SLC35F1: variants seen among roughly 807,000 people sequenced by gnomAD.
The protein encoded by SLC35F1 is solute carrier family 35 member F1, also known as chromosome 6 open reading frame 169.
SLC35F1 carries 14 observed loss-of-function variants against 48.7 expected under a neutral mutation model. The ratio of observed to expected loss-of-function variants is 0.29; its 90% CI spans 0.19 to 0.45. The LOEUF (loss-of-function observed/expected upper bound fraction) is 0.45. SLC35F1 is among the 20% of genes least tolerant of loss of function. The pLI is 1.00. For missense variants in SLC35F1, 404 were observed against 500.0 expected (o/e 0.81, Z 1.83); for synonymous variants, 190 against 202.2 (o/e 0.94, Z 0.51).
chr6:118,071,356 T>C (rs1562281194), intron 1 of SLC35F1, among the ~76,000 whole-genome samples: 1 of 151,904 alleles, frequency 6.6e-6, no homozygotes, highest in Non-Finnish European at 1.5e-5. Flanking sequence ...CTTTGTTTCT[T>C]GCCCTGTTTT....
At chr6:118,052,846 A>T (rs1772410032) in intron 1 of SLC35F1, among the ~76,000 whole-genome samples, 1 of 152,174 alleles carries the variant, frequency 6.6e-6, no homozygotes, top group Non-Finnish European at 1.5e-5. Flanking sequence ...AGAAAAATGT[A>T]GTTTCTTTCC....
intron 3 of SLC35F1, among the ~76,000 whole-genome samples, chr6:118,242,530 A>T (rs550548788): frequency 6.6e-6 from 1 of 152,196 alleles, no homozygotes; most frequent in Non-Finnish European, 1.5e-5. Context: ...TAAGGATTTT[A>T]TTCTAAAGAT....
At chr6:118,255,713 A>T in intron 3 of SLC35F1, among the ~76,000 whole-genome samples, 1 of 152,362 alleles carries the variant, frequency 6.6e-6, no homozygotes, top group East Asian at 1.9e-4. Context: ...TTAAATTCCT[A>T]TTGGTAGGAA....
intron 2 of SLC35F1, among the ~76,000 whole-genome samples, chr6:118,168,881 T>C (rs917972876): frequency 2.0e-5 from 3 of 152,190 alleles, no homozygotes; most frequent in Non-Finnish European, 4.4e-5. Context: ...CGGTGGAAGA[T>C]ATCAGGGTTC....
At chr6:118,025,409 T>A (rs974351405) in intron 1 of SLC35F1, among the ~76,000 whole-genome samples, 1 of 152,162 alleles carries the variant, frequency 6.6e-6, no homozygotes, top group African/African-American at 2.4e-5. Context: ...ATATAACTCA[T>A]CGTCGTTGAT....
chr6:117,981,313 C>G (rs1776778655), intron 1 of SLC35F1, among the ~76,000 whole-genome samples: 1 of 152,022 alleles, frequency 6.6e-6, no homozygotes, highest in African/African-American at 2.4e-5. Context: ...GATCATTACC[C>G]AAATATAGCT....
chr6:118,245,572 G>A (rs971664079), intron 3 of SLC35F1, among the ~76,000 whole-genome samples: 2 of 152,092 alleles, frequency 1.3e-5, no homozygotes, highest in Non-Finnish European at 1.5e-5. Flanking sequence ...TCCCACCTGC[G>A]CTTGATTCTC....
chr6:117,926,285 C>T (rs1241757478), intron 1 of SLC35F1, among the ~76,000 whole-genome samples: 2 of 152,164 alleles, frequency 1.3e-5, no homozygotes, highest in Admixed American at 1.3e-4. Flanking sequence ...CACTCATTCT[C>T]TCTCCTGCTG....
intron 1 of SLC35F1, among the ~76,000 whole-genome samples, chr6:118,150,793 A>G (rs1774045149): frequency 6.6e-6 from 1 of 152,210 alleles, no homozygotes; most frequent in South Asian, 2.1e-4. Context: ...TTTAACTATC[A>G]TTGATATTAT....
At chr6:118,130,244 T>A (rs1379264136) in intron 1 of SLC35F1, among the ~76,000 whole-genome samples, 1 of 152,198 alleles carries the variant, frequency 6.6e-6, no homozygotes, top group Non-Finnish European at 1.5e-5. Flanking sequence ...GCTATGTAAA[T>A]GCCTGTCACA....
rs77340092 is a variant in SLC35F1, at chr6:117,992,858, C to T, written c.173+84959C>T. On this transcript the variant is annotated intron_variant, in intron 1 of 7. Coordinates refer to ENST00000360388, the MANE Select transcript of SLC35F1 (RefSeq NM_001029858.4). ...TACTTTAGTTTCATTAGCTTCACCC[C>T]TCTACAATATCTATCAGAAAGATAG... is the stretch of plus-strand genomic sequence containing the variant. Among the ~76,000 whole-genome samples the T allele has an allele frequency of 6.5e-3, 988 of 152,322 alleles. 7 individuals carry two copies. Among genetic ancestry groups the T allele is most frequent in the African/African-American group, 0.02 (833 of 41,556 alleles).
At chr6:117,916,332 T>A (rs550275484) in intron 1 of SLC35F1, among the ~76,000 whole-genome samples, 3 of 152,358 alleles carry the variant, frequency 2.0e-5, no homozygotes, top group South Asian at 4.1e-4. Context: ...TATTGTCTTC[T>A]ATGAATTGTT....
chr6:117,999,767 A>G (rs1777062669), intron 1 of SLC35F1, among the ~76,000 whole-genome samples: 1 of 151,852 alleles, frequency 6.6e-6, no homozygotes, highest in Non-Finnish European at 1.5e-5. Context: ...TAAAGGGGAT[A>G]TCACCACCGA....
intron 3 of SLC35F1, among the ~76,000 whole-genome samples, chr6:118,249,261 G>A (rs1171898091): frequency 6.6e-6 from 1 of 152,188 alleles, no homozygotes. Context: ...GTAAGAGCAG[G>A]TTCTCCTGCC....
chr6:118,198,134 C>T (rs1262583870), intron 2 of SLC35F1, among the ~76,000 whole-genome samples: 2 of 152,180 alleles, frequency 1.3e-5, no homozygotes, highest in Non-Finnish European at 2.9e-5. Flanking sequence ...CCCACTCATT[C>T]AGACAATTAA....
intron 2 of SLC35F1, among the ~76,000 whole-genome samples, chr6:118,213,332 A>C (rs1775031901): frequency 6.6e-6 from 1 of 152,120 alleles, no homozygotes; most frequent in African/African-American, 2.4e-5. Context: ...GTTTGTTGTG[A>C]GATAAGCATG....
intron 7 of SLC35F1, among the ~76,000 whole-genome samples, chr6:118,290,837 CA>C (rs1375199362): frequency 6.6e-6 from 1 of 150,828 alleles, no homozygotes; most frequent in African/African-American, 2.4e-5. Flanking sequence ...CTCTGTTGCC[CA>C]AGCTGGAGTA....
intron 1 of SLC35F1, among the ~76,000 whole-genome samples, chr6:117,923,858 ATG>A (rs1299493435): frequency 3.5e-5 from 4 of 113,732 alleles, no homozygotes; most frequent in Non-Finnish European, 5.4e-5. Context: ...GCACATATAT[ATG>A]TGTGTACATA....
At chr6:118,071,181 T>G (rs1216815820) in intron 1 of SLC35F1, among the ~76,000 whole-genome samples, 1 of 144,552 alleles carries the variant, frequency 6.9e-6, no homozygotes, top group Non-Finnish European at 1.5e-5. Context: ...ATATATACTA[T>G]GTGTGTATAT....
Sources: allele counts gnomAD v4.1 joint callset (sites outside exome capture counted in the v4.1 genomes callset), GRCh38; gene constraint gnomAD v4.1.1; transcripts MANE v1.5; gene names NCBI Gene and HGNC (gene_info 2026-07-23, HGNC 2026-07-21).